Variants in PPP1R8 observed in about 807,000 individuals in gnomAD.
PPP1R8 encodes protein phosphatase 1 regulatory subunit 8, also known as nuclear inhibitor of protein phosphatase 1.
A neutral mutation model predicts 31.3 loss-of-function variants in PPP1R8; 4 were observed. That is an observed-to-expected ratio of 0.13 (90% CI 0.06 to 0.29). The LOEUF is 0.29. Ranked by LOEUF, PPP1R8 falls within the 10% of genes least tolerant of loss-of-function variation. PPP1R8 has a pLI of 1.00. For synonymous variants in PPP1R8, 170 were observed against 169.7 expected (o/e 1.00, Z -0.01); for missense variants, 254 against 440.1 (o/e 0.58, Z 3.78).
chr1:27,847,120 T>C (rs1298638234), intron 6 of PPP1R8, 28 bp downstream of exon 6: 1 of 1,607,530 alleles, frequency 6.2e-7, no homozygotes, highest in South Asian at 1.1e-5. Flanking sequence ...TGCCATACAG[T>C]CTGTGTTTTA....
chr1:27,845,165 C>T (rs1193359811), intron 5 of PPP1R8, among the ~76,000 whole-genome samples: 29 of 147,724 alleles, frequency 2.0e-4, no homozygotes, highest in Non-Finnish European at 4.2e-4. Context: ...CCGAGGTGGG[C>T]GGATCACGAG....
intron 5 of PPP1R8, among the ~76,000 whole-genome samples, chr1:27,845,915 G>A (rs774010786): frequency 6.7e-6 from 1 of 149,668 alleles, no homozygotes; most frequent in East Asian, 2.0e-4. Flanking sequence ...TCAGCGTCCC[G>A]AGTAGCTGGG....
intron 1 of PPP1R8, among the ~76,000 whole-genome samples, chr1:27,831,871 G>A (rs2089112553): frequency 6.6e-6 from 1 of 152,214 alleles, no homozygotes; most frequent in South Asian, 2.1e-4. Flanking sequence ...CAAATCTAAA[G>A]GTTCTAGTGA....
chr1:27,833,425 A>G (rs1006337061), intron 2 of PPP1R8, among the ~76,000 whole-genome samples: 4 of 152,196 alleles, frequency 2.6e-5, no homozygotes, highest in Non-Finnish European at 5.9e-5. Flanking sequence ...TCACACCAAA[A>G]AATTACATAA....
chr1:27,849,567 G>C (rs2089320021), intron 6 of PPP1R8, among the ~76,000 whole-genome samples: 1 of 152,014 alleles, frequency 6.6e-6, no homozygotes, highest in Non-Finnish European at 1.5e-5. Context: ...CACCATCTCA[G>C]CTCATTGCAA....
rs187985382 is a variant in PPP1R8 at position 27,839,361 on chromosome 1, C to T, written c.271+509C>T. The stretch of plus-strand genomic sequence containing the variant: ...TGGCCAATATGGTGAAACCTCGCCT[C>T]TACCAAAAATACAAAAATTAGCTGG... On this transcript the variant is annotated intron_variant, in intron 3 of 6. Transcript: ENST00000311772. Among the ~76,000 whole-genome samples, 4 of 152,226 alleles carry T rather than the reference C, an allele frequency of 2.6e-5. No homozygotes were observed. The East Asian group carries it at 7.7e-4, about 29-fold the overall frequency.
intron 5 of PPP1R8, among the ~76,000 whole-genome samples, chr1:27,846,308 C>CGA (rs375779296): frequency 6.6e-6 from 1 of 152,338 alleles, no homozygotes; most frequent in Non-Finnish European, 1.5e-5. Context: ...CCAGTCATCC[C>CGA]CTCTGTGCTC....
chr1:27,842,837 T>C (rs2148618138), intron 4 of PPP1R8, among the ~76,000 whole-genome samples: 1 of 152,334 alleles, frequency 6.6e-6, no homozygotes, highest in South Asian at 2.1e-4. Context: ...AATTCTCAGC[T>C]TATTGTGGGC....
intron 2 of PPP1R8, chr1:27,834,275 G>A (rs751828779): frequency 3.3e-5 from 12 of 365,942 alleles, no homozygotes; most frequent in African/African-American, 4.2e-5. Flanking sequence ...AGCTGATAAC[G>A]TTCTCTTTCG....
In PPP1R8 at chr1:27,841,111, A is replaced by G. The variant is rs375867536; in HGVS notation, c.369A>G (p.Ala123=). ...TCTCATTTGGCGCATCCACAAGGGCATACACTCTGCGCGAGAAGCCTCAGA... is the reference window on the plus strand; with the variant it reads ...TCTCATTTGGCGCATCCACAAGGGCGTACACTCTGCGCGAGAAGCCTCAGA... ...STVSFGASTR[A]YTLREKPQTL... is the part of the protein sequence containing the mutation. Residue 123 remains alanine, a synonymous_variant, in exon 4 of 7, where the codon GCA becomes GCG. Transcript: ENST00000311772. 759 of 1,614,214 alleles carry G rather than the reference A, an allele frequency of 4.7e-4. No homozygotes were observed. The highest frequency in any genetic ancestry group is 5.9e-4 in the Non-Finnish European group (692 of 1,180,040).
chr1:27,850,314 G>A lies in PPP1R8; in HGVS notation c.924G>A (p.Pro308=), dbSNP rs147448064. ...ATGTGGACTTGACTCCTGTTGTGCC[G>A]TCAGCAGTGAACATGAACCCTGCAC... The part of the protein sequence containing the change: ...APDVDLTPVV[P]SAVNMNPAPN... The change falls in exon 7 of 7, where the codon CCG becomes CCA. Residue 308 remains proline, a synonymous_variant. Coordinates refer to ENST00000311772, the MANE Select transcript of PPP1R8 (RefSeq NM_014110.5). 7.7e-5 allele frequency: 125 copies of A among 1,614,204 alleles called. 1 individual carries two copies. The African/African-American group carries it at 1.2e-3, about 16-fold the overall frequency.
At chr1:27,830,926 G>A in intron 1 of PPP1R8, 35 bp downstream of exon 1, 20 of 1,537,492 alleles carry the variant, frequency 1.3e-5, no homozygotes, top group Non-Finnish European at 1.7e-5. Flanking sequence ...AGAGTGGCCC[G>A]GCCGGAGCTA....
chr1:27,842,194 T>C (rs140097391), intron 4 of PPP1R8, among the ~76,000 whole-genome samples: 3,414 of 152,046 alleles, frequency 0.022, 108 homozygotes, highest in African/African-American at 0.076. Context: ...TACAAAAAAT[T>C]AGCTGGGTGT....
At chr1:27,842,896 A>G (rs1027521359) in intron 4 of PPP1R8, among the ~76,000 whole-genome samples, 1 of 152,210 alleles carries the variant, frequency 6.6e-6, no homozygotes. Flanking sequence ...ACACAACTCA[A>G]GGATATTTGC....
At chr1:27,838,335 A>G (rs1340107251) in intron 2 of PPP1R8, among the ~76,000 whole-genome samples, 3 of 152,078 alleles carry the variant, frequency 2.0e-5, no homozygotes, top group Non-Finnish European at 4.4e-5. Flanking sequence ...AGCCAAGATC[A>G]TGCAACTGTA....
intron 6 of PPP1R8, 55 bp from the exon 7 acceptor site, chr1:27,850,038 C>T: frequency 4.1e-6 from 6 of 1,477,980 alleles, no homozygotes; most frequent in Non-Finnish European, 5.4e-6. Context: ...ACTCTTGGGC[C>T]TCACCTCTTG....
intron 4 of PPP1R8, among the ~76,000 whole-genome samples, chr1:27,841,486 T>G (rs2089222265): frequency 6.6e-6 from 1 of 152,222 alleles, no homozygotes; most frequent in South Asian, 2.1e-4. Flanking sequence ...TGAGCTGTTT[T>G]GTGCACCTTC....
intron 2 of PPP1R8, among the ~76,000 whole-genome samples, chr1:27,834,149 A>T (rs1165781196): frequency 6.6e-6 from 1 of 152,216 alleles, no homozygotes; most frequent in Admixed American, 6.5e-5. Flanking sequence ...ACAGGAAGAA[A>T]CAGACAGGGT....
At chr1:27,837,960 C>T (rs1245199076) in intron 2 of PPP1R8, among the ~76,000 whole-genome samples, 1 of 151,912 alleles carries the variant, frequency 6.6e-6, no homozygotes, top group African/African-American at 2.4e-5. Flanking sequence ...GCCTGTAATC[C>T]CAGCACTTTG....
Sources: allele counts gnomAD v4.1 joint callset (sites outside exome capture counted in the v4.1 genomes callset), GRCh38; gene constraint gnomAD v4.1.1; transcripts MANE v1.5; gene names NCBI Gene and HGNC (gene_info 2026-07-23, HGNC 2026-07-21).